Variants in PDE11A observed in about 807,000 individuals in gnomAD.
PDE11A encodes the protein dual 3',5'-cyclic-AMP and -GMP phosphodiesterase 11A.
A neutral mutation model predicts 100.5 loss-of-function variants in PDE11A; 100 were observed. That is an observed-to-expected ratio of 1.00 (90% confidence interval 0.85 to 1.18). PDE11A has a LOEUF of 1.18. Among genes scored for constraint, PDE11A ranks in the 50% most tolerant of loss-of-function variants. The pLI, the probability that PDE11A is intolerant of heterozygous loss-of-function variation, is 0.00. For missense variants in PDE11A, 1,141 were observed against 1,152.6 expected, an observed-to-expected ratio of 0.99 and a Z score of 0.15; for synonymous variants, 381 against 420.8, an observed-to-expected ratio of 0.91 and a Z score of 1.16.
chr2:178,016,108 A>G (rs2086332872), intron 1 of PDE11A, among the ~76,000 whole-genome samples: 1 of 145,988 alleles, frequency 6.8e-6, no homozygotes, highest in Non-Finnish European at 1.5e-5. Context: ...GGGACTACAG[A>G]TGCAAGCCAT....
chr2:177,792,483 A>G (rs891881214), intron 9 of PDE11A, among the ~76,000 whole-genome samples: 1 of 152,130 alleles, frequency 6.6e-6, no homozygotes, highest in Non-Finnish European at 1.5e-5. Flanking sequence ...TAATCAAAGG[A>G]TTACCATTAT....
At position 177,871,063 on chromosome 2, in the gene PDE11A, C is replaced by T. The variant is rs187100517; in HGVS notation, c.1367+4796G>A. 2.7e-3 allele frequency among the ~76,000 whole-genome samples: 405 copies of T among 152,186 alleles called. 3 individuals carry two copies. The highest frequency in any genetic ancestry group is 6.8e-3 in the Middle Eastern group (2 of 294). On this transcript the variant is annotated intron_variant, in intron 5 of 19. Coordinates refer to ENST00000286063, the MANE Select transcript of PDE11A (RefSeq NM_016953.4). ...ATGACCAGGGAACTCGGAGAAAATACGGTGTTTAAAAAAGGAAAAATGTCC... is the reference window on the plus strand; with the variant it reads ...ATGACCAGGGAACTCGGAGAAAATATGGTGTTTAAAAAAGGAAAAATGTCC...
chr2:177,840,038 G>A lies in PDE11A; in HGVS notation c.1500+213C>T, dbSNP rs115440617. Among the ~76,000 whole-genome samples the A allele has an allele frequency of 7.6e-3, 1,151 of 152,172 alleles. 16 individuals carry two copies. The highest frequency in any genetic ancestry group is 0.026 in the African/African-American group (1,063 of 41,512). Reference sequence around the variant, plus strand: ...ATATAAAATATACCCAATCATAAACGAGCATCAGACTAAGGATAACCATCT... The same window carrying A: ...ATATAAAATATACCCAATCATAAACAAGCATCAGACTAAGGATAACCATCT... On this transcript the variant is annotated intron_variant, in intron 6 of 19. Transcript: ENST00000286063.
At chr2:177,853,680 A>ATTTGTGTGTGTGTGTGTG (rs2083766252) in intron 5 of PDE11A, among the ~76,000 whole-genome samples, 1 of 36,510 alleles carries the variant, frequency 2.7e-5, no homozygotes, top group Non-Finnish European at 5.2e-5. Flanking sequence ...ATATATATAT[A>ATTTGTGTGTGTGTGTGTG]TGTGTGTGTG....
At chr2:177,641,087 T>C (rs2080134718) in intron 19 of PDE11A, among the ~76,000 whole-genome samples, 1 of 152,202 alleles carries the variant, frequency 6.6e-6, no homozygotes. Context: ...GTACTCCATA[T>C]GGAAGCCACC....
chr2:177,717,558 C>T (rs1246300108), intron 12 of PDE11A, among the ~76,000 whole-genome samples: 2 of 152,074 alleles, frequency 1.3e-5, no homozygotes, highest in Non-Finnish European at 2.9e-5. Context: ...AATATATCTT[C>T]TCACCTGTAT....
chr2:178,044,583 C>T (rs2086726532), intron 1 of PDE11A, among the ~76,000 whole-genome samples: 1 of 151,854 alleles, frequency 6.6e-6, no homozygotes, highest in Admixed American at 6.6e-5. Context: ...GGAGGTATAA[C>T]AAGCACTGCA....
At chr2:177,933,897 A>C (rs75072896) in intron 2 of PDE11A, among the ~76,000 whole-genome samples, 14 of 152,206 alleles carry the variant, frequency 9.2e-5, no homozygotes, top group African/African-American at 2.7e-4. Flanking sequence ...TCGTTGTTCA[A>C]TGAATGGTGT....
chr2:177,694,990 T>A (rs2081088765), intron 15 of PDE11A, among the ~76,000 whole-genome samples: 1 of 151,786 alleles, frequency 6.6e-6, no homozygotes, highest in South Asian at 2.1e-4. Context: ...CTGTTTTCTC[T>A]GAATTTCATT....
At chr2:177,712,605 C>T (rs1422008080) in intron 12 of PDE11A, among the ~76,000 whole-genome samples, 1 of 152,074 alleles carries the variant, frequency 6.6e-6, no homozygotes, top group Non-Finnish European at 1.5e-5. Context: ...TGGTGAAATG[C>T]ACAGCTGTGA....
In PDE11A at chr2:178,020,648, C is replaced by T. The variant is rs542242128; in HGVS notation, c.913-6188G>A. On this transcript the variant is annotated intron_variant, in intron 1 of 19. Coordinates refer to ENST00000286063, the MANE Select transcript of PDE11A (RefSeq NM_016953.4). ...CTCTACTAAAAATACAAAAATTAGC[C>T]AGGTGTGGTGGTAGGCGCCTGTAAT... is the stretch of plus-strand genomic sequence containing the variant. 1.4e-4 allele frequency among the ~76,000 whole-genome samples: 22 copies of T among 151,964 alleles called. 1 individual carries two copies. In the South Asian group the frequency reaches 4.6e-3, roughly 32 times the overall value.
intron 9 of PDE11A, among the ~76,000 whole-genome samples, chr2:177,780,393 G>A (rs2082437748): frequency 6.6e-6 from 1 of 152,008 alleles, no homozygotes; most frequent in South Asian, 2.1e-4. Context: ...GCTTGATTTA[G>A]CATAATTCTT....
chr2:178,075,855 T>C (rs977255161), upstream of PDE11A, among the ~76,000 whole-genome samples: 2 of 152,136 alleles, frequency 1.3e-5, no homozygotes, highest in Non-Finnish European at 2.9e-5. Context: ...TAGGAAAGAA[T>C]GGCCAATATG....
chr2:177,641,028 T>C (rs1181340734), intron 19 of PDE11A, among the ~76,000 whole-genome samples: 1 of 152,224 alleles, frequency 6.6e-6, no homozygotes. Flanking sequence ...TTAAATCTGC[T>C]GCAGCCTCCT....
At chr2:177,896,914 C>T (rs780759715) in intron 4 of PDE11A, among the ~76,000 whole-genome samples, 2 of 151,924 alleles carry the variant, frequency 1.3e-5, no homozygotes, top group Non-Finnish European at 2.9e-5. Context: ...TTGTGTAAAC[C>T]GCACTGACTG....
chr2:178,027,934 AC>A (rs974724758), intron 1 of PDE11A, among the ~76,000 whole-genome samples: 1 of 152,226 alleles, frequency 6.6e-6, no homozygotes, highest in African/African-American at 2.4e-5. Context: ...ACTAAAAAAA[AC>A]AAACTATTAA....
At chr2:177,894,217 T>C (rs1396437558) in intron 4 of PDE11A, among the ~76,000 whole-genome samples, 3 of 152,184 alleles carry the variant, frequency 2.0e-5, no homozygotes, top group Non-Finnish European at 4.4e-5. Flanking sequence ...GAGAAGCCTT[T>C]GGTGAGAAGT....
At chr2:177,794,065 A>T (rs1269705063) in intron 9 of PDE11A, among the ~76,000 whole-genome samples, 1 of 152,136 alleles carries the variant, frequency 6.6e-6, no homozygotes, top group Non-Finnish European at 1.5e-5. Context: ...TCTAGAGTGG[A>T]GAGAGTGGAG....
chr2:177,886,806 A>G (rs776004225), intron 4 of PDE11A, among the ~76,000 whole-genome samples: 1 of 152,226 alleles, frequency 6.6e-6, no homozygotes, highest in Non-Finnish European at 1.5e-5. Flanking sequence ...AAAGACTGAT[A>G]AAACACAGAG....
Sources: allele counts gnomAD v4.1 joint callset (sites outside exome capture counted in the v4.1 genomes callset), GRCh38; gene constraint gnomAD v4.1.1; transcripts MANE v1.5; gene names NCBI Gene and HGNC (gene_info 2026-07-23, HGNC 2026-07-21).